HECTD4: variants seen among roughly 807,000 people sequenced by gnomAD.
HECTD4 encodes HECT domain E3 ubiquitin protein ligase 4.
In HECTD4, 114 loss-of-function variants were observed where a neutral mutation model predicts 471.5. The ratio of observed to expected loss-of-function variants is 0.24; its 90% CI spans 0.21 to 0.28. The LOEUF (loss-of-function observed/expected upper bound fraction) is 0.28, where lower values mean the gene tolerates loss of function less well. Among genes scored for constraint, HECTD4 ranks in the 10% least tolerant of loss-of-function variants. The probability of loss-of-function intolerance (pLI) is 1.00; values close to 1 mark genes in which losing one functional copy is unlikely to be tolerated. For missense variants in HECTD4, 3,866 were observed against 5,651.5 expected (o/e 0.68, Z 10.13); for synonymous variants, 2,012 against 2,256.0 (o/e 0.89, Z 3.07).
intron 1 of HECTD4, among the ~76,000 whole-genome samples, chr12:112,338,019 A>C (rs2035989844): frequency 6.6e-6 from 1 of 152,246 alleles, no homozygotes; most frequent in Non-Finnish European, 1.5e-5. Context: ...TTAAAACAAC[A>C]GATATTTACT....
chr12:112,381,609 G>A lies in HECTD4; in HGVS notation c.177+343C>T, dbSNP rs2036890674. ...GGAAGTGGGTCCTGGGGGCCCGTGG[G>A]GGAGGGGAGGGAGGGCCCGGGTGGT... On this transcript the variant is annotated intron_variant, in intron 1 of 75. Coordinates refer to ENST00000682272, the MANE Select transcript of HECTD4 (RefSeq NM_001388303.1). The surrounding 1 kb of genome is among the most constrained non-coding windows in gnomAD (Gnocchi z 4.1). 6.6e-6 allele frequency among the ~76,000 whole-genome samples: 1 copy of A among 152,190 alleles called. No homozygotes were observed. Among genetic ancestry groups the A allele is most frequent in the Non-Finnish European group, 1.5e-5 (1 of 68,028 alleles).
Position 112,314,542 on chromosome 12 carries a change from A to T in HECTD4, c.700T>A (p.Ser234Thr). 6.7e-7 allele frequency: 1 copy of T among 1,492,470 alleles called. No individual in the cohort carries two copies. Among genetic ancestry groups the T allele is most frequent in the Non-Finnish European group, 9.0e-7 (1 of 1,107,148 alleles). The allele number at this position is 1,492,470 out of a possible 1,614,324, so 92.5% of individuals were successfully genotyped here. The change falls in exon 3 of 76, where the codon TCA (serine) becomes ACA (threonine). Residue 234 changes from serine (S) to threonine (T), a missense_variant. Coordinates refer to ENST00000682272, the MANE Select transcript of HECTD4 (RefSeq NM_001388303.1). ...ACTGTGTGGACGAAAGTTTTCAATG[A>T]TCCCCTAAAAATAAAAGGAAGGAAC... ...ALVALACARG[S>T]LKTFVHTVHL...
At position 112,208,562 on chromosome 12, in the gene HECTD4, G is replaced by C; in HGVS notation, c.7936C>G (p.Pro2646Ala). 6.2e-7 allele frequency: 1 copy of C among 1,608,334 alleles called. No individual in the cohort carries two copies. Among genetic ancestry groups the C allele is most frequent in the Non-Finnish European group, 8.5e-7 (1 of 1,178,318 alleles). The change falls in exon 51 of 76, where the codon CCA becomes GCA. Residue 2646 changes from proline (P) to alanine (A), a missense_variant. Pro to Ala is a conservative substitution (Grantham distance 27). Transcript: ENST00000682272. ...GCAATGGGAGGCGGGTGAGGGTCTGGGCCAGAGGTGATGAAATTCTCATAG... is the reference window on the plus strand; with the variant it reads ...GCAATGGGAGGCGGGTGAGGGTCTGCGCCAGAGGTGATGAAATTCTCATAG... ...LSYENFITSGPDPHPPPIADD... is the reference protein window; with the variant it reads ...LSYENFITSGADPHPPPIADD...
chr12:112,265,037 T>A (rs2034235908), intron 16 of HECTD4, 138 bp downstream of exon 16: 1 of 710,430 alleles, frequency 1.4e-6, no homozygotes, highest in Admixed American at 3.9e-5. Flanking sequence ...AGTGCTGGGA[T>A]TACAGGCGTG....
chr12:112,347,495 G>A (rs941728186), intron 1 of HECTD4, among the ~76,000 whole-genome samples: 1 of 152,158 alleles, frequency 6.6e-6, no homozygotes, highest in Non-Finnish European at 1.5e-5. Context: ...GGGAGTCAGA[G>A]AGAGACCCTG....
intron 32 of HECTD4, among the ~76,000 whole-genome samples, chr12:112,242,046 G>A (rs2033653235): frequency 6.6e-6 from 1 of 152,100 alleles, no homozygotes; most frequent in Non-Finnish European, 1.5e-5. Flanking sequence ...GATTTTTGAA[G>A]CCCAATAGGA....
intron 1 of HECTD4, among the ~76,000 whole-genome samples, chr12:112,347,275 C>T (rs1182829233): frequency 2.0e-5 from 3 of 152,124 alleles, no homozygotes; most frequent in Admixed American, 6.6e-5. Context: ...TTTCGGAGGC[C>T]GAGGTGGGTG....
chr12:112,278,457 ACAGT>A (rs1259261491), intron 9 of HECTD4, among the ~76,000 whole-genome samples: 1 of 152,230 alleles, frequency 6.6e-6, no homozygotes, highest in East Asian at 1.9e-4. Context: ...TTTCATTACT[ACAGT>A]GTGCCTCCTT....
intron 34 of HECTD4, among the ~76,000 whole-genome samples, chr12:112,238,762 A>T (rs1484139862): frequency 6.6e-6 from 1 of 152,140 alleles, no homozygotes; most frequent in East Asian, 1.9e-4. Flanking sequence ...ATATATTTGG[A>T]AACTACTAGC....
chr12:112,173,136 C>T lies in HECTD4; in HGVS notation c.11595-275G>A, dbSNP rs2031296664. Among the ~76,000 whole-genome samples the T allele has an allele frequency of 6.6e-6, 1 of 152,174 alleles. No homozygotes were observed. The highest frequency in any genetic ancestry group is 1.5e-5 in the Non-Finnish European group (1 of 68,034). ...ATGCCTCACTCCTGTGTGTCGGCAG[C>T]AGCACGTGAGGGTGAAGGAGGAGCT... On this transcript the variant is annotated intron_variant, in intron 66 of 75. Coordinates refer to ENST00000682272, the MANE Select transcript of HECTD4 (RefSeq NM_001388303.1). The surrounding 1 kb of genome is among the most constrained non-coding windows in gnomAD (Gnocchi z 4.3).
At chr12:112,259,413 ATTT>A (rs2034095270) in intron 18 of HECTD4, 148 bp from the exon 19 acceptor site, 1 of 731,458 alleles carries the variant, frequency 1.4e-6, no homozygotes, top group African/African-American at 1.9e-5. Context: ...CAGTCCACAA[ATTT>A]TCCACCTTCT....
intron 7 of HECTD4, chr12:112,302,244 T>C (rs765916943): frequency 1.6e-6 from 2 of 1,278,700 alleles, no homozygotes; most frequent in African/African-American, 2.9e-5. Flanking sequence ...AAGGTGGTGA[T>C]GGTGTTAACT....
chr12:112,230,316 A>G (rs1280681507), intron 40 of HECTD4, among the ~76,000 whole-genome samples: 1 of 152,200 alleles, frequency 6.6e-6, no homozygotes, highest in Non-Finnish European at 1.5e-5. Context: ...CAGGGCACTC[A>G]GGCAGTGTAA....
chr12:112,184,479 CT>C lies in HECTD4; in HGVS notation c.10486del (p.Ser3496AlafsTer99). 1 of 1,606,968 alleles carries C rather than the reference CT, an allele frequency of 6.2e-7. No individual in the cohort carries two copies. The highest frequency in any genetic ancestry group is 8.5e-7 in the Non-Finnish European group (1 of 1,177,300). On this transcript the variant is annotated frameshift_variant, in exon 61 of 76. Coordinates refer to ENST00000682272, the MANE Select transcript of HECTD4 (RefSeq NM_001388303.1). LOFTEE classifies it high-confidence loss of function. The surrounding 1 kb of genome is among the most constrained non-coding windows in gnomAD (Gnocchi z 9.1). ...SASTSQASIC[S>X]SQGISQTVSD... ...GACGGTTTGGGAGATGCCCTGCGAG[CT>C]GCAGATGGAGGCCTGGCTGGTGGAG... is the stretch of plus-strand genomic sequence containing the variant.
At chr12:112,283,364 T>C (rs1239590143) in intron 7 of HECTD4, 62 bp from the exon 8 acceptor site, 34 of 1,275,382 alleles carry the variant, frequency 2.7e-5, no homozygotes, top group Non-Finnish European at 1.3e-5. Context: ...AGCAAATTTC[T>C]ACTGAGGATA....
chr12:112,355,624 G>A (rs1025911272), intron 1 of HECTD4, among the ~76,000 whole-genome samples: 4 of 149,936 alleles, frequency 2.7e-5, no homozygotes, highest in Non-Finnish European at 5.9e-5. Context: ...GCTGGGCGTG[G>A]TGGCACATGC....
chr12:112,267,943 C>A (rs2034317593), intron 13 of HECTD4, among the ~76,000 whole-genome samples: 1 of 152,186 alleles, frequency 6.6e-6, no homozygotes. Flanking sequence ...ACCTCAGTCT[C>A]CCAAATAGCT....
intron 72 of HECTD4, among the ~76,000 whole-genome samples, chr12:112,165,816 C>A (rs900099615): frequency 1.3e-5 from 2 of 152,342 alleles, no homozygotes; most frequent in South Asian, 4.1e-4. Flanking sequence ...AACTGATTCG[C>A]ACTGTGCTTG....
At position 112,195,022 on chromosome 12, in the gene HECTD4, C is replaced by T. The variant is rs781597294; in HGVS notation, c.8612G>A (p.Arg2871His). 12 of 1,609,206 alleles carry T rather than the reference C, an allele frequency of 7.5e-6. No individual in the cohort carries two copies. The highest frequency in any genetic ancestry group is 4.5e-5 in the East Asian group (2 of 44,650). Residue 2871 changes from arginine to histidine, a missense_variant, in exon 56 of 76, where the codon CGC (arginine) becomes CAC (histidine). Physicochemically the swap from Arg to His is conservative, Grantham distance 29 (BLOSUM62 0). Transcript: ENST00000682272. ...GGCGAAGATATTGAGCAGGGCCATG[C>T]GGCAGTACAGCCTGGCCAGCGCAGC... Reference protein sequence around the residue: ...CEAALARLYCRMALLNIFAPK... With the variant: ...CEAALARLYCHMALLNIFAPK...
Sources: allele counts gnomAD v4.1 joint callset (sites outside exome capture counted in the v4.1 genomes callset), GRCh38; gene constraint gnomAD v4.1.1; non-coding constraint Gnocchi (gnomAD v3.1); transcripts MANE v1.5; gene names NCBI Gene and HGNC (gene_info 2026-07-23, HGNC 2026-07-21).